The following EIF3B variants were observed in gnomAD, a reference collection of about 807,000 sequenced individuals.
The protein encoded by EIF3B is eukaryotic translation initiation factor 3 subunit 9.
Under a neutral mutation model 104.6 loss-of-function variants are expected in EIF3B, and 10 were observed. The observed-to-expected ratio is 0.10, with a 90% CI of 0.06 to 0.16. The LOEUF is 0.16. EIF3B is among the 10% of genes least tolerant of loss of function. EIF3B has a pLI of 1.00. For synonymous variants in EIF3B, 542 were observed against 417.2 expected (o/e 1.30, Z -3.65); for missense variants, 1,014 against 1,087.9 (o/e 0.93, Z 0.96).
intron 2 of EIF3B, 44 bp downstream of exon 2, chr7:2,360,946 G>A (rs375225894): frequency 5.8e-4 from 863 of 1,491,458 alleles, no homozygotes; most frequent in Middle Eastern, 9.3e-4. Context: ...TGTCTGGCAC[G>A]TCATGATGAG....
intron 15 of EIF3B, chr7:2,378,452 CTGTGTTGTGTGAATGA>C (rs1334994384): frequency 7.4e-5 from 15 of 203,062 alleles, no homozygotes; most frequent in East Asian, 4.5e-4. Flanking sequence ...TCCTGGGAAG[CTGTGTTGTGTGAATGA>C]CCCTGGGTGT....
chr7:2,366,080 A>T (rs1212197055), intron 6 of EIF3B, among the ~76,000 whole-genome samples: 3 of 152,012 alleles, frequency 2.0e-5, no homozygotes, highest in Admixed American at 1.3e-4. Context: ...CTTGTGTGGG[A>T]TCGGTGAGAT....
In EIF3B at chr7:2,355,172, C is replaced by T; in HGVS notation, c.251C>T (p.Pro84Leu). The T allele has an allele frequency of 2.1e-5, 30 of 1,461,892 alleles. No individual in the cohort carries two copies. Among genetic ancestry groups the T allele is most frequent in the Non-Finnish European group, 2.7e-5 (30 of 1,116,418 alleles). 90.6% of individuals were successfully genotyped at this position (1,461,892 alleles called of 1,614,324 possible). A position where few individuals can be genotyped will look rare whatever the true frequency, so the allele number is the denominator to read the frequency against. ...GCGGCCTCCGGCCCGTCCGAGTCGC[C>T]CTCGCCGCCGGCCGCCGAGGAGCTG... is the stretch of plus-strand genomic sequence containing the variant. Reference protein sequence around the residue: ...AEAASGPSESPSPPAAEELPG... With the variant: ...AEAASGPSESLSPPAAEELPG... Residue 84 changes from proline to leucine, a missense_variant, in exon 1 of 19, where the codon CCC becomes CTC. This residue lies in a region of EIF3B where 488 missense variants were observed against 404.3 expected (regional missense o/e 1.21). Transcript: ENST00000360876.
rs1182956913 is a variant in EIF3B at position 2,371,584 on chromosome 7, CGTG to C, written c.1615-189_1615-187del. ...TGCATGTCCAGTGGCTTCCAGTAGA[CGTG>C]GTGCCGGCAGTTCTCCAGCCTTAGA... On this transcript the variant is annotated intron_variant, in intron 10 of 18. Coordinates refer to ENST00000360876, the MANE Select transcript of EIF3B (RefSeq NM_001037283.2). Among the ~76,000 whole-genome samples the C allele has an allele frequency of 2.6e-5, 4 of 152,274 alleles. No individual in the cohort carries two copies. In the East Asian group the frequency reaches 7.7e-4, roughly 29 times the overall value.
At chr7:2,355,547 C>T in intron 1 of EIF3B, 127 bp downstream of exon 1, 6 of 1,291,106 alleles carry the variant, frequency 4.6e-6, no homozygotes, top group Non-Finnish European at 6.0e-6. Context: ...CCGTGTGTTC[C>T]TGAGAAGCCA....
At chr7:2,375,233 G>C in intron 13 of EIF3B, 156 bp from the exon 14 acceptor site, 2 of 802,466 alleles carry the variant, frequency 2.5e-6, no homozygotes, top group South Asian at 3.2e-5. Context: ...GATTTGGTAA[G>C]TCTCACAGCG....
chr7:2,358,258 A>G (rs909065815), intron 1 of EIF3B, among the ~76,000 whole-genome samples: 1 of 151,818 alleles, frequency 6.6e-6, no homozygotes, highest in Non-Finnish European at 1.5e-5. Context: ...TACTTTTTGT[A>G]TTTTTAATAC....
At chr7:2,363,367 G>C (rs1779842583) in intron 4 of EIF3B, among the ~76,000 whole-genome samples, 1 of 152,126 alleles carries the variant, frequency 6.6e-6, no homozygotes, top group Admixed American at 6.5e-5. Flanking sequence ...GCTGAGGGGG[G>C]AGGATCACTT....
intron 2 of EIF3B, among the ~76,000 whole-genome samples, 162 bp downstream of exon 2, chr7:2,361,064 T>G (rs1258215057): frequency 6.6e-6 from 1 of 152,176 alleles, no homozygotes; most frequent in Admixed American, 6.5e-5. Flanking sequence ...GAGCAGTGAA[T>G]GAGAAGATGA....
At chr7:2,375,855 T>G (rs1362831763) in intron 14 of EIF3B, 6 of 287,940 alleles carry the variant, frequency 2.1e-5, no homozygotes, top group African/African-American at 1.1e-4. Context: ...CCGCAGACAT[T>G]AAGATCTGTT....
intron 10 of EIF3B, among the ~76,000 whole-genome samples, chr7:2,370,385 G>C (rs1401488396): frequency 6.6e-6 from 1 of 152,060 alleles, no homozygotes; most frequent in Middle Eastern, 3.2e-3. Context: ...GCTGAGGCAG[G>C]AGAATCGCTT....
rs36195045 is a variant in EIF3B, at chr7:2,377,629, T to G, written c.2154+554T>G. ...GAGCAGGCGCGAGCTCTCCTGGGAA[T>G]CCGTGTTCTGTGAATGACCCTGGGT... is the stretch of plus-strand genomic sequence containing the variant. On this transcript the variant is annotated intron_variant, in intron 15 of 18. Coordinates refer to ENST00000360876, the MANE Select transcript of EIF3B (RefSeq NM_001037283.2). Among the ~76,000 whole-genome samples the G allele has an allele frequency of 4.8e-3, 430 of 90,366 alleles. 8 individuals carry two copies. The highest frequency in any genetic ancestry group is 6.1e-3 in the African/African-American group (73 of 12,000). 59.3% of individuals were successfully genotyped at this position (90,366 alleles called of 152,430 possible).
At chr7:2,366,892 T>A in intron 8 of EIF3B, 107 bp from the exon 9 acceptor site, 3 of 1,227,264 alleles carry the variant, frequency 2.4e-6, no homozygotes, top group Non-Finnish European at 3.5e-6. Context: ...CACTGCCCCC[T>A]AGGCAAACTC....
chr7:2,369,877 A>G (rs1780230024), intron 10 of EIF3B, among the ~76,000 whole-genome samples, 195 bp downstream of exon 10: 1 of 140,288 alleles, frequency 7.1e-6, no homozygotes, highest in Non-Finnish European at 1.5e-5. Flanking sequence ...CCTGGTTTCA[A>G]ATGATTCTTC....
rs1562483145 is a variant in EIF3B, at chr7:2,366,759, C to A, written c.1356+168C>A. On this transcript the variant is annotated intron_variant, in intron 8 of 18. Transcript: ENST00000360876. Reference sequence around the variant, plus strand: ...TGCCCCTGCTCTGGGCAGAGCTCTTCAGTCACTCCTGCCCACCTGGCGCAG... The same window carrying A: ...TGCCCCTGCTCTGGGCAGAGCTCTTAAGTCACTCCTGCCCACCTGGCGCAG... 8 of 847,750 alleles carry A rather than the reference C, an allele frequency of 9.4e-6. No individual in the cohort carries two copies. In the East Asian group the frequency reaches 2.1e-4, roughly 22 times the overall value. The allele number at this position is 847,750 out of a possible 1,614,324, so 52.5% of individuals were successfully genotyped here.
At chr7:2,373,850 G>A (rs1269227629) in intron 12 of EIF3B, 1 of 152,218 alleles carries the variant, frequency 6.6e-6, no homozygotes, top group East Asian at 1.9e-4. Flanking sequence ...TTTCGCTTGT[G>A]CAAGTCTGAG....
At chr7:2,361,165 T>G (rs912190306) in intron 2 of EIF3B, among the ~76,000 whole-genome samples, 3 of 152,134 alleles carry the variant, frequency 2.0e-5, no homozygotes, top group African/African-American at 7.2e-5. Context: ...CTCCCAACAC[T>G]CTTGAAGCCT....
chr7:2,366,018 A>G (rs1231401094), intron 6 of EIF3B, among the ~76,000 whole-genome samples: 2 of 152,064 alleles, frequency 1.3e-5, no homozygotes, highest in African/African-American at 4.8e-5. Flanking sequence ...TTTATTAAAC[A>G]TGGGTAAAGA....
chr7:2,355,536 TC>T, intron 1 of EIF3B, 116 bp downstream of exon 1: 1 of 1,340,460 alleles, frequency 7.5e-7, no homozygotes, highest in Non-Finnish European at 9.7e-7. Flanking sequence ...AGCGAGGGTG[TC>T]CGTGTGTTCC....
Sources: allele counts gnomAD v4.1 joint callset (sites outside exome capture counted in the v4.1 genomes callset), GRCh38; gene constraint gnomAD v4.1.1; regional missense constraint gnomAD v4.1.1; transcripts MANE v1.5; gene names NCBI Gene and HGNC (gene_info 2026-07-23, HGNC 2026-07-21).